Variants in LSAMP observed in about 807,000 individuals in gnomAD.
LSAMP encodes limbic system-associated membrane protein.
A neutral mutation model predicts 38.6 loss-of-function variants in LSAMP; 7 were observed. The observed-to-expected ratio is 0.18, with a 90% CI of 0.10 to 0.34. The LOEUF is 0.34. LSAMP is among the 10% of genes least tolerant of loss of function. The probability of loss-of-function intolerance (pLI) is 1.00; values close to 1 mark genes in which losing one functional copy is unlikely to be tolerated. For synonymous variants in LSAMP, 154 were observed against 166.8 expected, an observed-to-expected ratio of 0.92 and a Z score of 0.59; for missense variants, 313 against 420.0, an observed-to-expected ratio of 0.75 and a Z score of 2.23.
At chr3:115,863,444 G>C (rs935700976) in intron 3 of LSAMP, among the ~76,000 whole-genome samples, 1 of 152,008 alleles carries the variant, frequency 6.6e-6, no homozygotes, top group Admixed American at 6.6e-5. Flanking sequence ...GGTAATAATT[G>C]AGTTTTTTTA....
intron 3 of LSAMP, among the ~76,000 whole-genome samples, chr3:115,943,243 T>C (rs8179899): frequency 0.25 from 37,392 of 152,012 alleles, 5,224 homozygotes; most frequent in East Asian, 0.52. Flanking sequence ...GGAGGTCTTC[T>C]GGGCTGAGTT....
chr3:116,311,401 A>G (rs2107717287), intron 1 of LSAMP, among the ~76,000 whole-genome samples: 1 of 152,312 alleles, frequency 6.6e-6, no homozygotes, highest in South Asian at 2.1e-4. Flanking sequence ...GTTGCAGTCT[A>G]GGAATCCATG....
intron 1 of LSAMP, among the ~76,000 whole-genome samples, chr3:116,391,942 G>T (rs956894077): frequency 1.3e-5 from 2 of 152,160 alleles, no homozygotes; most frequent in Admixed American, 6.5e-5. Context: ...TGCCAACCCT[G>T]ACACTCCAAA....
chr3:116,254,777 A>G (rs1025693156), intron 1 of LSAMP, among the ~76,000 whole-genome samples: 3 of 152,152 alleles, frequency 2.0e-5, no homozygotes, highest in Non-Finnish European at 4.4e-5. Context: ...ATTTCCCAGA[A>G]TCTCAGATTG....
At chr3:116,149,838 T>C (rs1249034011) in intron 1 of LSAMP, among the ~76,000 whole-genome samples, 1 of 152,012 alleles carries the variant, frequency 6.6e-6, no homozygotes. Flanking sequence ...AAGCATTTCT[T>C]ATACACATAC....
intron 3 of LSAMP, among the ~76,000 whole-genome samples, chr3:115,909,148 G>A (rs1937079833): frequency 6.6e-6 from 1 of 152,150 alleles, no homozygotes; most frequent in South Asian, 2.1e-4. Context: ...ATTATAGATG[G>A]TCTTTGCTCC....
intron 1 of LSAMP, among the ~76,000 whole-genome samples, chr3:116,210,077 T>C (rs1389460793): frequency 1.3e-5 from 2 of 152,202 alleles, no homozygotes; most frequent in Non-Finnish European, 2.9e-5. Context: ...TTTTTAATTG[T>C]TCATTCAATA....
Position 116,442,100 on chromosome 3 carries a change from G to C in LSAMP, c.155+2777C>G, listed in dbSNP as rs1047304692. ...AATTGAGGGCAAGACCTGAAGCCTA[G>C]TGTGCACTCTCCTATCTGATGCATA... On this transcript the variant is annotated intron_variant, in intron 1 of 6. Coordinates refer to ENST00000490035, the MANE Select transcript of LSAMP (RefSeq NM_002338.5). Among the ~76,000 whole-genome samples, 5 of 152,222 alleles carry C rather than the reference G, an allele frequency of 3.3e-5. No individual in the cohort carries two copies. The East Asian group carries it at 5.8e-4, about 18-fold the overall frequency.
At chr3:116,439,798 C>T (rs1398864554) in intron 1 of LSAMP, among the ~76,000 whole-genome samples, 2 of 152,250 alleles carry the variant, frequency 1.3e-5, no homozygotes, top group Non-Finnish European at 2.9e-5. Flanking sequence ...TCTTGGCTCA[C>T]TGCAACCTCC....
rs113651036 is a variant in LSAMP, at chr3:116,209,355, G to A, written c.156-122799C>T. Among the ~76,000 whole-genome samples, 924 of 152,328 alleles carry A rather than the reference G, an allele frequency of 6.1e-3. 14 individuals carry two copies. The highest frequency in any genetic ancestry group is 0.02 in the African/African-American group (852 of 41,576). Reference sequence around the variant, plus strand: ...TCAGATGGAAATGCAGAAATCATCCGTCTTCTGCTTCGCTCACGCTGGGAG... The same window carrying A: ...TCAGATGGAAATGCAGAAATCATCCATCTTCTGCTTCGCTCACGCTGGGAG... On this transcript the variant is annotated intron_variant, in intron 1 of 6. Coordinates refer to ENST00000490035, the MANE Select transcript of LSAMP (RefSeq NM_002338.5).
At chr3:115,993,018 A>G (rs1325629572) in intron 3 of LSAMP, among the ~76,000 whole-genome samples, 1 of 152,098 alleles carries the variant, frequency 6.6e-6, no homozygotes, top group Non-Finnish European at 1.5e-5. Flanking sequence ...GAAGTTCGAT[A>G]TTGCATAGAC....
At chr3:116,176,461 G>T (rs1286393239) in intron 1 of LSAMP, among the ~76,000 whole-genome samples, 2 of 152,032 alleles carry the variant, frequency 1.3e-5, no homozygotes, top group Non-Finnish European at 2.9e-5. Flanking sequence ...TGCCTCAACC[G>T]CTGCCATGAT....
intron 1 of LSAMP, among the ~76,000 whole-genome samples, chr3:116,283,121 A>G (rs576844027): frequency 6.6e-6 from 1 of 151,824 alleles, no homozygotes; most frequent in East Asian, 1.9e-4. Context: ...AGTTCTTCTT[A>G]CTCTTCCTCC....
chr3:116,252,621 T>G (rs758996265), intron 1 of LSAMP, among the ~76,000 whole-genome samples: 2 of 152,218 alleles, frequency 1.3e-5, no homozygotes, highest in Non-Finnish European at 2.9e-5. Context: ...TTCTCGTGAT[T>G]CTAAGTGACT....
intron 1 of LSAMP, among the ~76,000 whole-genome samples, chr3:116,121,462 T>A (rs1030473827): frequency 6.6e-6 from 1 of 152,194 alleles, no homozygotes; most frequent in East Asian, 1.9e-4. Flanking sequence ...AATCATAAGC[T>A]TCTTCTGTAA....
chr3:116,354,865 G>A, intron 1 of LSAMP, among the ~76,000 whole-genome samples: 1 of 151,874 alleles, frequency 6.6e-6, no homozygotes, highest in African/African-American at 2.4e-5. Flanking sequence ...GTGTGTGTGT[G>A]TGTGTGTGTG....
intron 1 of LSAMP, among the ~76,000 whole-genome samples, chr3:116,145,644 G>A (rs528480287): frequency 6.6e-6 from 1 of 151,884 alleles, no homozygotes; most frequent in Non-Finnish European, 1.5e-5. Context: ...GTTTAACCAA[G>A]CAACTAAATA....
chr3:116,437,265 G>C (rs377302772), intron 1 of LSAMP, among the ~76,000 whole-genome samples: 14 of 151,916 alleles, frequency 9.2e-5, no homozygotes, highest in Admixed American at 7.2e-4. Flanking sequence ...TTGGGGGAAG[G>C]GGGGCGAGGA....
chr3:116,271,145 C>T (rs2107670174), intron 1 of LSAMP, among the ~76,000 whole-genome samples: 1 of 151,968 alleles, frequency 6.6e-6, no homozygotes, highest in Non-Finnish European at 1.5e-5. Flanking sequence ...AGACTTAAGA[C>T]AATAAAAAAC....
Sources: allele counts gnomAD v4.1 joint callset (sites outside exome capture counted in the v4.1 genomes callset), GRCh38; gene constraint gnomAD v4.1.1; transcripts MANE v1.5; gene names NCBI Gene and HGNC (gene_info 2026-07-23, HGNC 2026-07-21).